Variants in GPC5 observed in about 807,000 individuals in gnomAD.
GPC5 encodes the protein glypican 5.
A neutral mutation model predicts 53.9 loss-of-function variants in GPC5; 47 were observed. The ratio of observed to expected loss-of-function variants is 0.87; its 90% CI spans 0.69 to 1.11. GPC5 has a LOEUF of 1.11. Ranked by LOEUF, GPC5 falls within the 50% of genes most tolerant of loss-of-function variation. The pLI is 0.00. For missense variants in GPC5, 748 were observed against 713.1 expected (o/e 1.05, Z -0.56); for synonymous variants, 286 against 263.3 (o/e 1.09, Z -0.84).
At chr13:92,818,091 C>A (rs1238245445) in intron 7 of GPC5, among the ~76,000 whole-genome samples, 1 of 150,924 alleles carries the variant, frequency 6.6e-6, no homozygotes, top group African/African-American at 2.5e-5. Flanking sequence ...CGGCTCACTG[C>A]AGCCTCTGCC....
chr13:92,697,660 T>C (rs1034532162), intron 7 of GPC5, among the ~76,000 whole-genome samples: 1 of 152,200 alleles, frequency 6.6e-6, no homozygotes, highest in Non-Finnish European at 1.5e-5. Flanking sequence ...TTTGAGTTCC[T>C]CTTTTCCTAA....
At chr13:91,796,538 G>A (rs1399005172) in intron 5 of GPC5, among the ~76,000 whole-genome samples, 2 of 152,192 alleles carry the variant, frequency 1.3e-5, no homozygotes, top group Non-Finnish European at 2.9e-5. Context: ...GTGCTCTCAG[G>A]CAATAGATGA....
At chr13:91,531,246 T>C (rs1437765800) in intron 2 of GPC5, among the ~76,000 whole-genome samples, 1 of 152,176 alleles carries the variant, frequency 6.6e-6, no homozygotes, top group Non-Finnish European at 1.5e-5. Context: ...ACAGAAATGA[T>C]TTACAGATAG....
chr13:92,353,727 A>T (rs2043499915), intron 7 of GPC5, among the ~76,000 whole-genome samples: 1 of 152,196 alleles, frequency 6.6e-6, no homozygotes, highest in Non-Finnish European at 1.5e-5. Flanking sequence ...TGAGGTTCAA[A>T]AATAAATGAT....
chr13:92,039,429 T>C (rs1412626586), intron 6 of GPC5, among the ~76,000 whole-genome samples: 3 of 152,168 alleles, frequency 2.0e-5, no homozygotes, highest in African/African-American at 7.2e-5. Context: ...AGTGTAACTG[T>C]TGGAAATTTT....
intron 7 of GPC5, among the ~76,000 whole-genome samples, chr13:92,640,647 A>C (rs552088647): frequency 6.6e-6 from 1 of 152,176 alleles, no homozygotes; most frequent in Non-Finnish European, 1.5e-5. Context: ...CAAAGAAGGT[A>C]CATGATGAAT....
chr13:91,625,592 G>A (rs1007074129), intron 2 of GPC5, among the ~76,000 whole-genome samples: 10 of 151,940 alleles, frequency 6.6e-5, no homozygotes, highest in Non-Finnish European at 1.5e-4. Flanking sequence ...AAGGCTATGG[G>A]TATAATTTAA....
chr13:92,006,052 C>T (rs2040603886), intron 6 of GPC5, among the ~76,000 whole-genome samples: 1 of 152,130 alleles, frequency 6.6e-6, no homozygotes, highest in Non-Finnish European at 1.5e-5. Flanking sequence ...ATTTTCCTTT[C>T]TAATGTTGTC....
chr13:92,166,532 A>C (rs2042028913), intron 7 of GPC5, among the ~76,000 whole-genome samples: 1 of 151,572 alleles, frequency 6.6e-6, no homozygotes, highest in Non-Finnish European at 1.5e-5. Context: ...CACCGGAGAA[A>C]CTTCCATTGT....
At chr13:92,429,916 G>T (rs945939807) in intron 7 of GPC5, among the ~76,000 whole-genome samples, 5 of 151,854 alleles carry the variant, frequency 3.3e-5, no homozygotes, top group African/African-American at 1.2e-4. Context: ...TGTACAACAT[G>T]GTGACTATTT....
intron 2 of GPC5, among the ~76,000 whole-genome samples, chr13:91,593,878 T>C (rs1012992969): frequency 6.6e-6 from 1 of 150,378 alleles, no homozygotes; most frequent in Non-Finnish European, 1.5e-5. Flanking sequence ...TTTCTGGCCA[T>C]GATTAACCAA....
intron 7 of GPC5, among the ~76,000 whole-genome samples, chr13:92,816,037 C>A (rs942723998): frequency 2.6e-5 from 4 of 151,800 alleles, no homozygotes; most frequent in Non-Finnish European, 5.9e-5. Flanking sequence ...ATTTGGGAGT[C>A]ATTTGCCCAT....
chr13:91,964,154 T>C (rs1281083883), intron 6 of GPC5, among the ~76,000 whole-genome samples: 2 of 152,188 alleles, frequency 1.3e-5, no homozygotes, highest in Admixed American at 6.5e-5. Flanking sequence ...ATGGTCTCAC[T>C]GACTTCAGGA....
chr13:92,701,073 G>C (rs1206660500), intron 7 of GPC5, among the ~76,000 whole-genome samples: 1 of 151,958 alleles, frequency 6.6e-6, no homozygotes, highest in East Asian at 1.9e-4. Flanking sequence ...TAAATAATTT[G>C]ACTTGTTTTA....
chr13:92,080,184 G>T (rs1216462227), intron 6 of GPC5, among the ~76,000 whole-genome samples: 1 of 151,992 alleles, frequency 6.6e-6, no homozygotes, highest in Admixed American at 6.6e-5. Context: ...TATTTATCAG[G>T]CTCTTTTATT....
chr13:92,614,701 A>G (rs1884624086), intron 7 of GPC5, among the ~76,000 whole-genome samples: 1 of 152,178 alleles, frequency 6.6e-6, no homozygotes, highest in South Asian at 2.1e-4. Context: ...CACTTGTTGC[A>G]AGTAATTTAG....
At chr13:92,492,703 T>C (rs1429187358) in intron 7 of GPC5, among the ~76,000 whole-genome samples, 2 of 152,194 alleles carry the variant, frequency 1.3e-5, no homozygotes, top group Non-Finnish European at 2.9e-5. Context: ...GGTAATGTTC[T>C]TCTTCCTTAG....
chr13:92,165,880 G>A (rs920711998), intron 7 of GPC5, among the ~76,000 whole-genome samples: 1 of 152,124 alleles, frequency 6.6e-6, no homozygotes, highest in Admixed American at 6.5e-5. Context: ...TGGCACAGAT[G>A]CATTGAATTC....
intron 2 of GPC5, among the ~76,000 whole-genome samples, chr13:91,683,185 GA>G (rs2035547360): frequency 2.0e-5 from 3 of 152,086 alleles, no homozygotes; most frequent in Non-Finnish European, 4.4e-5. Flanking sequence ...ACACGCAGAA[GA>G]CAATGTGAGA....
Sources: allele counts gnomAD v4.1 joint callset (sites outside exome capture counted in the v4.1 genomes callset), GRCh38; gene constraint gnomAD v4.1.1; transcripts MANE v1.5; gene names NCBI Gene and HGNC (gene_info 2026-07-23, HGNC 2026-07-21).